CHL1: variants seen among roughly 807,000 people sequenced by gnomAD.
CHL1 encodes the protein neural cell adhesion molecule L1-like protein.
Under a neutral mutation model 141.9 loss-of-function variants are expected in CHL1, and 96 were observed. The observed-to-expected ratio is 0.68, with a 90% CI of 0.57 to 0.80. CHL1 has a LOEUF of 0.80. CHL1 is among the 30% of genes least tolerant of loss of function. The pLI, the probability that CHL1 is intolerant of heterozygous loss-of-function variation, is 0.00. For synonymous variants in CHL1, 613 were observed against 502.2 expected (o/e 1.22, Z -2.95); for missense variants, 1,820 against 1,457.2 (o/e 1.25, Z -4.05).
chr3:340,930 C>T lies in CHL1; in HGVS notation c.508+14C>T, dbSNP rs202113698. On this transcript the variant is annotated intron_variant, in intron 6 of 27. Transcript: ENST00000256509. The stretch of plus-strand genomic sequence containing the variant: ...GGATGAATATTGGTAAGTAATGCTC[C>T]GTTCCATCAAAAAAGGGGGACATTT... 254 of 1,602,462 alleles carry T rather than the reference C, an allele frequency of 1.6e-4. No individual in the cohort carries two copies. The African/African-American group carries it at 2.8e-3, about 18-fold the overall frequency.
chr3:362,349 T>A (rs1286194621), intron 13 of CHL1, among the ~76,000 whole-genome samples: 1 of 152,204 alleles, frequency 6.6e-6, no homozygotes, highest in Non-Finnish European at 1.5e-5. Context: ...ATTTTGTCAT[T>A]GGTCTGTAGG....
intron 2 of CHL1, among the ~76,000 whole-genome samples, chr3:316,503 G>C (rs1700162501): frequency 2.6e-5 from 4 of 151,688 alleles, no homozygotes; most frequent in Admixed American, 2.6e-4. Flanking sequence ...TACGATCGTA[G>C]GAATTAAAAT....
chr3:228,793 T>C (rs750286111), intron 1 of CHL1, among the ~76,000 whole-genome samples: 2 of 152,182 alleles, frequency 1.3e-5, no homozygotes, highest in Non-Finnish European at 2.9e-5. Context: ...ATCAGCTCAA[T>C]GGCATATTTT....
chr3:205,641 CTGTGTGTG>C (rs141526826), intron 1 of CHL1, among the ~76,000 whole-genome samples: 1 of 150,410 alleles, frequency 6.6e-6, no homozygotes, highest in East Asian at 1.9e-4. Flanking sequence ...TTGTGTGTGT[CTGTGTGTG>C]TGTGTGTGTG....
chr3:402,460 G>A (rs557975912), intron 27 of CHL1, among the ~76,000 whole-genome samples: 3 of 152,074 alleles, frequency 2.0e-5, no homozygotes, highest in African/African-American at 7.2e-5. Context: ...GTTCTTTTTT[G>A]TTGTAATGTC....
intron 2 of CHL1, among the ~76,000 whole-genome samples, chr3:255,575 C>T (rs1412573262): frequency 1.3e-5 from 2 of 152,024 alleles, no homozygotes; most frequent in African/African-American, 2.4e-5. Context: ...AAATACTAAG[C>T]ATTTTTATTC....
chr3:344,477 ACAC>A, intron 8 of CHL1, 109 bp from the exon 9 acceptor site: 1 of 710,822 alleles, frequency 1.4e-6, no homozygotes. Flanking sequence ...ACACACACAC[ACAC>A]ACACACACAC....
chr3:278,520 C>T (rs1314469144), intron 2 of CHL1, among the ~76,000 whole-genome samples: 1 of 152,114 alleles, frequency 6.6e-6, no homozygotes, highest in Non-Finnish European at 1.5e-5. Flanking sequence ...AGCAATGAAC[C>T]ATGGCCAAGA....
chr3:205,448 G>A (rs1443597835), intron 1 of CHL1, among the ~76,000 whole-genome samples: 3 of 152,124 alleles, frequency 2.0e-5, no homozygotes, highest in African/African-American at 4.8e-5. Flanking sequence ...GAGCAACATT[G>A]TATAACTGAT....
chr3:377,543 C>T lies in CHL1; in HGVS notation c.1752-275C>T, dbSNP rs182275775. 6.6e-5 allele frequency among the ~76,000 whole-genome samples: 10 copies of T among 152,286 alleles called. No homozygotes were observed. The East Asian group carries it at 1.9e-3, about 29-fold the overall frequency. On this transcript the variant is annotated intron_variant, in intron 15 of 27. Transcript: ENST00000256509. ...TGCACTCTTTAAACATGCCAGGCAA[C>T]ATACAGTTCCATCACTGACCCATGC...
Position 326,054 on chromosome 3 carries a change from C to G in CHL1, c.187C>G (p.Pro63Ala). The change falls in exon 4 of 28, where the codon CCA (proline) becomes GCA (alanine). Residue 63 changes from proline to alanine, a missense_variant. Coordinates refer to ENST00000256509, the MANE Select transcript of CHL1 (RefSeq NM_006614.4). ...FQIECEAKGN[P>A]EPTFSWTKDG... ...AATTGAATGTGAAGCTAAAGGAAAT[C>G]CAGAACCAACGTGAGTATTGTTTCA... 1.9e-6 allele frequency: 3 copies of G among 1,604,932 alleles called. No homozygotes were observed. The highest frequency in any genetic ancestry group is 2.6e-6 in the Non-Finnish European group (3 of 1,172,678).
intron 1 of CHL1, among the ~76,000 whole-genome samples, chr3:233,191 A>G (rs1702015389): frequency 6.6e-6 from 1 of 152,176 alleles, no homozygotes; most frequent in African/African-American, 2.4e-5. Flanking sequence ...TCTGAGCATG[A>G]CACCTAGGGC....
chr3:399,468 C>A (rs946529175), intron 26 of CHL1, among the ~76,000 whole-genome samples: 1 of 151,926 alleles, frequency 6.6e-6, no homozygotes, highest in Non-Finnish European at 1.5e-5. Flanking sequence ...GATGAAACCC[C>A]GTCTCTACTA....
intron 5 of CHL1, among the ~76,000 whole-genome samples, chr3:332,914 A>T (rs1268542457): frequency 6.6e-6 from 1 of 152,106 alleles, no homozygotes; most frequent in Non-Finnish European, 1.5e-5. Flanking sequence ...AGGAAAAGGC[A>T]GCAGCTAGAT....
chr3:323,917 C>A (rs1700799280), intron 3 of CHL1, among the ~76,000 whole-genome samples: 2 of 151,958 alleles, frequency 1.3e-5, no homozygotes, highest in African/African-American at 4.8e-5. Flanking sequence ...TAAAGTAATG[C>A]CCTTCTTCTC....
chr3:236,903 T>C (rs903427272), intron 1 of CHL1, among the ~76,000 whole-genome samples: 1 of 147,696 alleles, frequency 6.8e-6, no homozygotes, highest in Admixed American at 6.8e-5. Context: ...AAAAAAACCT[T>C]GTAAATAGCA....
chr3:363,239 C>T lies in CHL1; in HGVS notation c.1441C>T (p.Pro481Ser). 1 of 1,611,836 alleles carries T rather than the reference C, an allele frequency of 6.2e-7. No individual in the cohort carries two copies. Among genetic ancestry groups the T allele is most frequent in the Non-Finnish European group, 8.5e-7 (1 of 1,179,198 alleles). ...VSWQKVEEVK[P>S]LEGRRYHIYE... ...TAGGCAGAAGGTGGAAGAAGTGAAA[C>T]CCCTGGAGGGCAGGCGGTATCATAT... The change falls in exon 14 of 28, where the codon CCC becomes TCC. Residue 481 changes from proline to serine, a missense_variant. Coordinates refer to ENST00000256509, the MANE Select transcript of CHL1 (RefSeq NM_006614.4).
chr3:354,524 T>C, intron 10 of CHL1, 116 bp from the exon 11 acceptor site: 2 of 1,177,588 alleles, frequency 1.7e-6, no homozygotes, highest in Non-Finnish European at 2.4e-6. Context: ...AGAGCTACTA[T>C]GAAACCCTTT....
intron 7 of CHL1, among the ~76,000 whole-genome samples, chr3:342,396 G>C (rs192087422): frequency 1.2e-4 from 18 of 152,242 alleles, no homozygotes; most frequent in Non-Finnish European, 2.4e-4. Context: ...CTTGGGCATC[G>C]ATTCACTGTG....
Sources: gnomAD v4.1 joint callset for allele counts (sites outside exome capture counted in the v4.1 genomes callset) on GRCh38, gnomAD v4.1.1 for gene constraint, MANE v1.5 for transcripts, NCBI Gene and HGNC (gene_info 2026-07-23, HGNC 2026-07-21) for gene names.